The following CIITA variants were observed in gnomAD, a reference collection of about 807,000 sequenced individuals.
CIITA encodes MHC class II transactivator.
A neutral mutation model predicts 115.1 loss-of-function variants in CIITA; 72 were observed. The ratio of observed to expected loss-of-function variants is 0.63; its 90% CI spans 0.52 to 0.76. The LOEUF is 0.76. CIITA is among the 30% of genes least tolerant of loss of function. CIITA has a pLI of 0.00. For synonymous variants in CIITA, 763 were observed against 635.6 expected, an observed-to-expected ratio of 1.20 and a Z score of -3.02; for missense variants, 1,617 against 1,463.8, an observed-to-expected ratio of 1.10 and a Z score of -1.71.
rs997711884 is a variant in CIITA, at chr16:10,879,998, C to T, written c.52+2616C>T. Among the ~76,000 whole-genome samples the T allele has an allele frequency of 6.6e-6, 1 of 152,204 alleles. No individual in the cohort carries two copies. The highest frequency in any genetic ancestry group is 2.4e-5 in the African/African-American group (1 of 41,452). On this transcript the variant is annotated intron_variant, in intron 1 of 19. Coordinates refer to ENST00000324288, the MANE Select transcript of CIITA (RefSeq NM_000246.4). The surrounding 1 kb of genome is among the most constrained non-coding windows in gnomAD (Gnocchi z 4.3). ...TTTGGCAGGAAGTCTTCCGTTTCTG[C>T]TCCCCACTCCAGAGAAAAAATAAAT...
intron 10 of CIITA, among the ~76,000 whole-genome samples, chr16:10,905,088 C>G (rs1001840607): frequency 6.6e-6 from 1 of 152,012 alleles, no homozygotes; most frequent in African/African-American, 2.4e-5. Flanking sequence ...GAGGGGCAAG[C>G]GAATGATGAA....
chr16:10,869,554 A>G (rs978404689), intron 1 of CIITA, among the ~76,000 whole-genome samples: 66 of 147,706 alleles, frequency 4.5e-4, no homozygotes, highest in African/African-American at 1.2e-3. Flanking sequence ...GTCTTGCTCT[A>G]TCGCCCAGCC....
At chr16:10,875,795 A>G (rs1172794533), upstream of CIITA, among the ~76,000 whole-genome samples, 2 of 152,004 alleles carry the variant, frequency 1.3e-5, no homozygotes, top group Non-Finnish European at 2.9e-5. Context: ...TTCAGCCTCC[A>G]GAGTAGCTGG....
upstream of CIITA, among the ~76,000 whole-genome samples, chr16:10,874,734 T>C (rs962305842): frequency 3.4e-4 from 51 of 152,128 alleles, no homozygotes; most frequent in African/African-American, 1.2e-3. Flanking sequence ...ACAGGGAAGA[T>C]GTACCAGGCA....
chr16:10,939,104 G>A (rs1381856741), downstream of CIITA: 1 of 152,178 alleles, frequency 6.6e-6, no homozygotes, highest in Admixed American at 6.5e-5. The surrounding 1 kb of genome is among the most constrained non-coding windows in gnomAD (Gnocchi z 4.9). Flanking sequence ...CATATGCAAA[G>A]GGCCTAGACA....
chr16:10,891,077 C>A (rs1051992765), intron 1 of CIITA, among the ~76,000 whole-genome samples: 3 of 152,146 alleles, frequency 2.0e-5, no homozygotes, highest in African/African-American at 7.2e-5. Context: ...CAGTGTCATC[C>A]AGAGTTTGAA....
At position 10,904,802 on chromosome 16, in the gene CIITA, A is replaced by C. The variant is rs1031604789; in HGVS notation, c.996A>C (p.Pro332=). 1 of 1,614,168 alleles carries C rather than the reference A, an allele frequency of 6.2e-7. No individual in the cohort carries two copies. Among genetic ancestry groups the C allele is most frequent in the Non-Finnish European group, 8.5e-7 (1 of 1,179,988 alleles). The change falls in exon 10 of 20, where the codon CCA becomes CCC. Residue 332 remains proline (P), a synonymous_variant. Coordinates refer to ENST00000324288, the MANE Select transcript of CIITA (RefSeq NM_000246.4). The part of the protein sequence containing the change: ...PAAGEVSNKL[P]KWPEPVEQFY... ...CTGGAGAGGTCTCCAACAAGCTTCC[A>C]AAATGGCCTGGTGAGTGATGCGGGA...
At chr16:10,904,518 G>A (rs1479177836) in intron 9 of CIITA, among the ~76,000 whole-genome samples, 1 of 152,208 alleles carries the variant, frequency 6.6e-6, no homozygotes, top group Non-Finnish European at 1.5e-5. Context: ...ACTGCACCCA[G>A]CCTGATATTG....
intron 8 of CIITA, among the ~76,000 whole-genome samples, chr16:10,903,252 T>C (rs1212757924): frequency 6.6e-6 from 1 of 152,178 alleles, no homozygotes; most frequent in Non-Finnish European, 1.5e-5. Context: ...ATCAGTAAAA[T>C]GGTCCCTACT....
In CIITA at chr16:10,915,428, G is replaced by C. The variant is rs181851879; in HGVS notation, c.2889-142G>C. The C allele has an allele frequency of 4.8e-4, 345 of 718,910 alleles. 1 individual carries two copies. The African/African-American group carries it at 5.6e-3, about 12-fold the overall frequency. The allele number at this position is 718,910 out of a possible 1,614,324, so 44.5% of individuals were successfully genotyped here. On this transcript the variant is annotated intron_variant, in intron 13 of 19. Coordinates refer to ENST00000324288, the MANE Select transcript of CIITA (RefSeq NM_000246.4). ...GGGTCCTACGTGGAAGGGTTGCAGGGACCTAAGAGGCTGGGGTGGAAGGGA... is the reference window on the plus strand; with the variant it reads ...GGGTCCTACGTGGAAGGGTTGCAGGCACCTAAGAGGCTGGGGTGGAAGGGA...
rs1037033777 is a variant in CIITA, at chr16:10,926,235, G to A, written c.*2380G>A. The stretch of plus-strand genomic sequence containing the variant: ...GCGTGGTTGATGATCTTTGCAGACA[G>A]GCAAGCACCTCCTGCCTCGAACTGG... On this transcript the variant is annotated 3_prime_UTR_variant, in exon 20 of 20. Coordinates refer to ENST00000324288, the MANE Select transcript of CIITA (RefSeq NM_000246.4). 2.6e-5 allele frequency: 4 copies of A among 152,280 alleles called. No homozygotes were observed. The highest frequency in any genetic ancestry group is 7.2e-5 in the African/African-American group (3 of 41,478). 9.4% of individuals were successfully genotyped at this position (152,280 alleles called of 1,614,324 possible). A position where few individuals can be genotyped will look rare whatever the true frequency, so the allele number is the denominator to read the frequency against.
At chr16:10,900,161 CTA>C (rs2038575350) in intron 5 of CIITA, among the ~76,000 whole-genome samples, 2 of 152,178 alleles carry the variant, frequency 1.3e-5, no homozygotes, top group South Asian at 4.1e-4. Context: ...AGTTTTGCTC[CTA>C]TCTTAGTCAA....
At chr16:10,876,291 A>G (rs543624157), upstream of CIITA, among the ~76,000 whole-genome samples, 21 of 152,382 alleles carry the variant, frequency 1.4e-4, 1 homozygote, top group Non-Finnish European at 2.6e-4. Flanking sequence ...TTGGAATTAC[A>G]GGCACAAGCC....
At chr16:10,913,866 G>A (rs1428872579) in intron 13 of CIITA, among the ~76,000 whole-genome samples, 1 of 151,792 alleles carries the variant, frequency 6.6e-6, no homozygotes, top group Non-Finnish European at 1.5e-5. Context: ...ATTTGAAACC[G>A]GGAGGCGGAG....
chr16:10,906,402 C>CAGATGAAA, intron 10 of CIITA, 97 bp from the exon 11 acceptor site: 2 of 1,358,634 alleles, frequency 1.5e-6, no homozygotes, highest in Non-Finnish European at 2.1e-6. Context: ...GTGTGGGGAA[C>CAGATGAAA]AGATGTAAAT....
intron 1 of CIITA, among the ~76,000 whole-genome samples, chr16:10,868,360 G>A (rs1402672744): frequency 6.6e-6 from 1 of 152,172 alleles, no homozygotes; most frequent in Non-Finnish European, 1.5e-5. Flanking sequence ...AGCCTTCAGG[G>A]CATCAAATGC....
intron 5 of CIITA, among the ~76,000 whole-genome samples, chr16:10,899,967 G>T (rs1370863367): frequency 6.6e-6 from 1 of 152,134 alleles, no homozygotes; most frequent in Admixed American, 6.5e-5. Context: ...TGTAATCCCA[G>T]CTACTCGGGA....
At chr16:10,870,154 T>A (rs972159877) in intron 1 of CIITA, among the ~76,000 whole-genome samples, 2 of 118,008 alleles carry the variant, frequency 1.7e-5, no homozygotes, top group South Asian at 5.6e-4. Flanking sequence ...TCCTGGCCAA[T>A]TGCAGTACTT....
chr16:10,921,024 AC>A (rs1324501015), intron 16 of CIITA, among the ~76,000 whole-genome samples: 1 of 152,128 alleles, frequency 6.6e-6, no homozygotes, highest in Non-Finnish European at 1.5e-5. Flanking sequence ...ATGTGCCATC[AC>A]ACCCGGCTAA....
Sources: gnomAD v4.1 joint callset for allele counts (sites outside exome capture counted in the v4.1 genomes callset) on GRCh38, gnomAD v4.1.1 for gene constraint, Gnocchi (gnomAD v3.1) non-coding constraint, MANE v1.5 for transcripts, NCBI Gene and HGNC (gene_info 2026-07-23, HGNC 2026-07-21) for gene names.